The following DCPH1 variants were observed in gnomAD, a reference collection of about 807,000 sequenced individuals.
DCPH1 encodes the protein damage-control phosphatase 1.
the DCPH1 span, among the ~76,000 whole-genome samples, chr6:151,458,950 C>A: frequency 1.3e-5 from 2 of 151,816 alleles, no homozygotes; most frequent in Non-Finnish European, 2.9e-5. Context: ...CCAGCCTGGC[C>A]AGCATAACGA....
At chr6:151,463,334 T>C in the DCPH1 span, among the ~76,000 whole-genome samples, 1 of 152,242 alleles carries the variant, frequency 6.6e-6, no homozygotes, top group South Asian at 2.1e-4. Flanking sequence ...TCCTGTATTT[T>C]TACTCATTTT....
chr6:151,469,878 A>C, the DCPH1 span: 1 of 152,182 alleles, frequency 6.6e-6, no homozygotes, highest in East Asian at 1.9e-4. Context: ...TTTAGTTTGC[A>C]GTTTTAGGAA....
chr6:151,470,054 TG>T, the DCPH1 span: 1 of 152,208 alleles, frequency 6.6e-6, no homozygotes, highest in Non-Finnish European at 1.5e-5. Flanking sequence ...GAAATAAATC[TG>T]GAAATGTTTT....
At chr6:151,462,600 T>A in the DCPH1 span, among the ~76,000 whole-genome samples, 3 of 152,216 alleles carry the variant, frequency 2.0e-5, no homozygotes, top group Non-Finnish European at 2.9e-5. Flanking sequence ...TGAGTACTTT[T>A]CAGTTTGGAG....
the DCPH1 span, among the ~76,000 whole-genome samples, chr6:151,466,273 C>T: frequency 6.6e-6 from 1 of 151,236 alleles, no homozygotes; most frequent in African/African-American, 2.4e-5. Flanking sequence ...TTAACTCTGC[C>T]TTATGCTTAG....
the DCPH1 span, chr6:151,468,373 TCTCTCTCAGGTGGAGAAAGTA>T: frequency 6.4e-7 from 1 of 1,568,472 alleles, no homozygotes; most frequent in Non-Finnish European, 8.6e-7. Flanking sequence ...GTGTGATCTG[TCTCTCTCAGGTGGAGAAAGTA>T]GTTCTCAGAA....
At chr6:151,463,847 C>T in the DCPH1 span, among the ~76,000 whole-genome samples, 1 of 152,130 alleles carries the variant, frequency 6.6e-6, no homozygotes, top group Non-Finnish European at 1.5e-5. Flanking sequence ...ATGATTTAAT[C>T]TCTCACTGGA....
At chr6:151,465,619 G>A in the DCPH1 span, among the ~76,000 whole-genome samples, 6 of 152,168 alleles carry the variant, frequency 3.9e-5, no homozygotes, top group African/African-American at 1.4e-4. Context: ...AGCCATCAGA[G>A]GGTTTTGAAC....
the DCPH1 span, among the ~76,000 whole-genome samples, chr6:151,467,700 TA>T: frequency 5.3e-5 from 8 of 150,970 alleles, no homozygotes; most frequent in African/African-American, 1.2e-4. Context: ...TTTTATGGCT[TA>T]AAAAAAAATA....
chr6:151,454,639 G>A, the DCPH1 span: 4 of 1,498,278 alleles, frequency 2.7e-6, no homozygotes, highest in East Asian at 6.8e-5. Context: ...TGAATTTTTT[G>A]AGAAACACGG....
At chr6:151,458,326 A>T in the DCPH1 span, 1 of 1,607,296 alleles carries the variant, frequency 6.2e-7, no homozygotes, top group South Asian at 1.1e-5. Context: ...GTATTTTTGC[A>T]GGAAGGCGTG....
the DCPH1 span, among the ~76,000 whole-genome samples, chr6:151,463,859 A>G: frequency 6.6e-6 from 1 of 152,212 alleles, no homozygotes; most frequent in Admixed American, 6.5e-5. Flanking sequence ...CTCACTGGAA[A>G]ACATGAAGGT....
At chr6:151,461,942 C>A in the DCPH1 span, among the ~76,000 whole-genome samples, 4 of 152,326 alleles carry the variant, frequency 2.6e-5, no homozygotes, top group East Asian at 7.7e-4. Flanking sequence ...GGAGCCAGCA[C>A]TGAAGTAATT....
At chr6:151,460,691 GGA>G in the DCPH1 span, among the ~76,000 whole-genome samples, 3 of 151,914 alleles carry the variant, frequency 2.0e-5, no homozygotes, top group Non-Finnish European at 4.4e-5. Context: ...GGCTGAGGCA[GGA>G]GAATCACTTG....
the DCPH1 span, chr6:151,469,382 C>G: frequency 9.3e-6 from 3 of 322,254 alleles, no homozygotes; most frequent in Non-Finnish European, 1.7e-5. Flanking sequence ...TATATAATTT[C>G]AAGTGCTTTT....
At chr6:151,452,608 C>G in the DCPH1 span, 1 of 1,598,360 alleles carries the variant, frequency 6.3e-7, no homozygotes, top group Non-Finnish European at 8.5e-7. Flanking sequence ...TTTTCTCCTC[C>G]CCACTTTTGC....
chr6:151,468,355 G>A, the DCPH1 span: 2 of 1,543,692 alleles, frequency 1.3e-6, no homozygotes, highest in Non-Finnish European at 1.7e-6. Flanking sequence ...TTCACTGTGG[G>A]GAAATAAGTG....
At chr6:151,453,211 A>G in the DCPH1 span, among the ~76,000 whole-genome samples, 1 of 152,212 alleles carries the variant, frequency 6.6e-6, no homozygotes, top group African/African-American at 2.4e-5. Flanking sequence ...TGAGGCAGTC[A>G]CTGTTTCAGG....
At chr6:151,452,702 C>T in the DCPH1 span, 956 of 1,112,124 alleles carry the variant, frequency 8.6e-4, 2 homozygotes, top group Non-Finnish European at 1.0e-3. Flanking sequence ...GTCCCGCCGC[C>T]GGGCGCGGCT....
Sources: gnomAD v4.1 joint callset for allele counts (sites outside exome capture counted in the v4.1 genomes callset) on GRCh38, gnomAD v4.1.1 for gene constraint, MANE v1.5 for transcripts, NCBI Gene and HGNC (gene_info 2026-07-23, HGNC 2026-07-21) for gene names.